The following CACNB1 variants were observed in gnomAD, a reference collection of about 807,000 sequenced individuals.
CACNB1 encodes the protein calcium voltage-gated channel auxiliary subunit beta 1.
Under a neutral mutation model 71.6 loss-of-function variants are expected in CACNB1, and 29 were observed. The observed-to-expected ratio is 0.40, with a 90% CI of 0.30 to 0.55. The LOEUF (loss-of-function observed/expected upper bound fraction) is 0.55, where lower values mean the gene tolerates loss of function less well. Among genes scored for constraint, CACNB1 ranks in the 20% least tolerant of loss-of-function variants. The pLI is 0.38. For missense variants in CACNB1, 623 were observed against 801.8 expected, an observed-to-expected ratio of 0.78 and a Z score of 2.69; for synonymous variants, 300 against 319.6, an observed-to-expected ratio of 0.94 and a Z score of 0.65.
rs2045938268 is a variant in CACNB1 at position 39,186,298 on chromosome 17, A to G, written c.628+198T>C. On this transcript the variant is annotated intron_variant, in intron 6 of 13. Coordinates refer to ENST00000394303, the MANE Select transcript of CACNB1 (RefSeq NM_000723.5). The surrounding 1 kb of genome is among the most constrained non-coding windows in gnomAD (Gnocchi z 4.1). ...AATCAGGCAGAGAGATGGAGCTACC[A>G]AAGAAAAGGGAGAGGAGAGACATGA... 1 of 634,746 alleles carries G rather than the reference A, an allele frequency of 1.6e-6. No individual in the cohort carries two copies. The allele number at this position is 634,746 out of a possible 1,614,324, so 39.3% of individuals were successfully genotyped here.
At chr17:39,177,639 A>G in intron 12 of CACNB1, 104 bp from the exon 13 acceptor site, 1 of 903,650 alleles carries the variant, frequency 1.1e-6, no homozygotes, top group Non-Finnish European at 1.7e-6. Flanking sequence ...GGATTGAAGG[A>G]CAAGGTTAAA....
At chr17:39,191,159 A>C (rs896878058) in intron 3 of CACNB1, among the ~76,000 whole-genome samples, 4 of 152,226 alleles carry the variant, frequency 2.6e-5, no homozygotes, top group African/African-American at 9.6e-5. Context: ...AGCCGAGATC[A>C]TGCCACTGCA....
chr17:39,180,932 G>C (rs542933727), intron 11 of CACNB1, among the ~76,000 whole-genome samples: 1 of 151,912 alleles, frequency 6.6e-6, no homozygotes, highest in Non-Finnish European at 1.5e-5. Context: ...TCAATAAAAT[G>C]TTAAAAAGTT....
intron 1 of CACNB1, 63 bp downstream of exon 1, chr17:39,197,349 G>T: frequency 8.7e-7 from 1 of 1,152,652 alleles, no homozygotes. Flanking sequence ...CGCCTCTCGA[G>T]CCGACCTTAA....
chr17:39,184,972 G>A, intron 7 of CACNB1, 108 bp from the exon 8 acceptor site: 1 of 1,008,142 alleles, frequency 9.9e-7, no homozygotes, highest in Non-Finnish European at 1.6e-6. Context: ...TGGTCCCAGA[G>A]CCCAGATGTA....
In CACNB1 at chr17:39,175,017, A is replaced by C. The variant is rs2045539809; in HGVS notation, c.*176T>G. The C allele has an allele frequency of 1.6e-6, 1 of 616,030 alleles. No individual in the cohort carries two copies. Among genetic ancestry groups the C allele is most frequent in the African/African-American group, 1.8e-5 (1 of 54,078 alleles). 38.2% of individuals were successfully genotyped at this position (616,030 alleles called of 1,614,324 possible). A position where few individuals can be genotyped will look rare whatever the true frequency, so the allele number is the denominator to read the frequency against. On this transcript the variant is annotated 3_prime_UTR_variant, in exon 14 of 14. Transcript: ENST00000394303. This position sits in a 1 kb window ranked among gnomAD's most constrained non-coding sequence, Gnocchi z 4.7. The stretch of plus-strand genomic sequence containing the variant: ...GGTAAAAACCGACAGCTGGGGCTTA[A>C]GGGCCTCCCGGGAGCTGGGATGGTA...
Position 39,197,517 on chromosome 17 carries a change from C to T in CACNB1, c.-22G>A. The stretch of plus-strand genomic sequence containing the variant: ...CCATGGAGAGGAGCCTCCCCTCCCG[C>T]CGCCGGCCCGGCCCAGCCGGGCTCC... On this transcript the variant is annotated 5_prime_UTR_variant, in exon 1 of 14. Coordinates refer to ENST00000394303, the MANE Select transcript of CACNB1 (RefSeq NM_000723.5). 2.0e-6 allele frequency: 3 copies of T among 1,478,720 alleles called. No individual in the cohort carries two copies. The highest frequency in any genetic ancestry group is 2.7e-6 in the Non-Finnish European group (3 of 1,113,592). 91.6% of individuals were successfully genotyped at this position (1,478,720 alleles called of 1,614,324 possible).
rs913403473 is a variant in CACNB1 at position 39,188,294 on chromosome 17, G to A, written c.292-693C>T. On this transcript the variant is annotated intron_variant, in intron 3 of 13. Coordinates refer to ENST00000394303, the MANE Select transcript of CACNB1 (RefSeq NM_000723.5). ...CAAGACTCTGTCTAAAAAAAAAAAA[G>A]TCTGGGCGTGGTGGCTCACGCCTGT... 3.3e-5 allele frequency among the ~76,000 whole-genome samples: 5 copies of A among 151,682 alleles called. No individual in the cohort carries two copies. The South Asian group carries it at 1.0e-3, about 32-fold the overall frequency.
At chr17:39,183,659 A>G (rs752977673) in intron 11 of CACNB1, 54 bp downstream of exon 11, 21 of 1,429,790 alleles carry the variant, frequency 1.5e-5, no homozygotes, top group Non-Finnish European at 1.9e-5. Context: ...ATTTAAACCC[A>G]AGCAGCCCTT....
rs997245062 is a variant in CACNB1, at chr17:39,175,454, G to T, written c.1536C>A (p.Tyr512Ter). The T allele has an allele frequency of 1.2e-6, 2 of 1,614,214 alleles. No homozygotes were observed. The highest frequency in any genetic ancestry group is 1.7e-6 in the Non-Finnish European group (2 of 1,180,046). Reference protein sequence around the residue: ...ADTPGSRNSAYTELGDSCVDM... With the variant: ...ADTPGSRNSA Reference sequence around the variant, plus strand: ...CCACACATGAGTCTCCCAGCTCCGTGTAGGCAGAGTTTCGGCTGCCGGGGG... The same window carrying T: ...CCACACATGAGTCTCCCAGCTCCGTTTAGGCAGAGTTTCGGCTGCCGGGGG... Residue 512 changes from tyrosine to a stop codon, truncating the protein, a stop_gained, in exon 14 of 14, where the codon TAC (tyrosine) becomes TAA (stop). Coordinates refer to ENST00000394303, the MANE Select transcript of CACNB1 (RefSeq NM_000723.5). LOFTEE classifies it high-confidence loss of function. The surrounding 1 kb of genome is among the most constrained non-coding windows in gnomAD (Gnocchi z 4.7).
At chr17:39,182,220 C>T (rs375066793) in intron 11 of CACNB1, among the ~76,000 whole-genome samples, 20 of 150,882 alleles carry the variant, frequency 1.3e-4, no homozygotes, top group African/African-American at 4.4e-4. Flanking sequence ...CCCAGCTACT[C>T]GGGAGACTGA....
At position 39,180,071 on chromosome 17, in the gene CACNB1, C is replaced by G. The variant is rs1363405577; in HGVS notation, c.1051-1992G>C. Among the ~76,000 whole-genome samples, 3 of 151,908 alleles carry G rather than the reference C, an allele frequency of 2.0e-5. No homozygotes were observed. In the East Asian group the frequency reaches 5.9e-4, roughly 30 times the overall value. On this transcript the variant is annotated intron_variant, in intron 11 of 13. Coordinates refer to ENST00000394303, the MANE Select transcript of CACNB1 (RefSeq NM_000723.5). ...CCTGAGGTCAGGAGTTCGAGACCAG[C>G]CAGGCCAACATGGCAAAACCCCGTC...
At position 39,194,205 on chromosome 17, in the gene CACNB1, CA is replaced by C. The variant is rs529516572; in HGVS notation, c.171+678del. On this transcript the variant is annotated intron_variant, in intron 2 of 13. Transcript: ENST00000394303. The surrounding 1 kb of genome is among the most constrained non-coding windows in gnomAD (Gnocchi z 4.6). ...CAACCACATGCCTCTCTCAGTCCCT[CA>C]CCCTGAGCCTAAGATGGCCCAGGGT... is the stretch of plus-strand genomic sequence containing the variant. Among the ~76,000 whole-genome samples, 525 of 152,270 alleles carry C rather than the reference CA, an allele frequency of 3.4e-3. 2 individuals are homozygous for C. The highest frequency in any genetic ancestry group is 0.012 in the African/African-American group (505 of 41,548).
intron 4 of CACNB1, 25 bp downstream of exon 4, chr17:39,187,454 C>T: frequency 6.2e-7 from 1 of 1,613,234 alleles, no homozygotes; most frequent in East Asian, 2.2e-5. Context: ...GCACCCACTT[C>T]CCTGCCCTCC....
chr17:39,183,581 G>T, intron 11 of CACNB1, 132 bp downstream of exon 11: 2 of 755,460 alleles, frequency 2.6e-6, no homozygotes, highest in Non-Finnish European at 2.1e-6. Context: ...ATACGATGGA[G>T]CTTTACAGAG....
In CACNB1 at chr17:39,175,221, C is replaced by G. The variant is rs768078931; in HGVS notation, c.1769G>C (p.Gly590Ala). Reference sequence around the variant, plus strand: ...GCGAATGTAGACGCCTCGTCCCCAGCCCTCCAGCTCATTCTTGTTGCGCCC... The same window carrying G: ...GCGAATGTAGACGCCTCGTCCCCAGGCCTCCAGCTCATTCTTGTTGCGCCC... ...VLGRNKNELEGWGRGVYIR is the reference protein window; with the variant it reads ...VLGRNKNELEAWGRGVYIR The change falls in exon 14 of 14, where the codon GGC becomes GCC. Residue 590 changes from glycine to alanine, a missense_variant. By Grantham distance (60) the Gly-to-Ala change is moderately conservative. Coordinates refer to ENST00000394303, the MANE Select transcript of CACNB1 (RefSeq NM_000723.5). The surrounding 1 kb of genome is among the most constrained non-coding windows in gnomAD (Gnocchi z 4.7). The G allele has an allele frequency of 1.9e-6, 3 of 1,613,228 alleles. No individual in the cohort carries two copies. Among genetic ancestry groups the G allele is most frequent in the Admixed American group, 1.7e-5 (1 of 59,912 alleles).
chr17:39,184,647 C>T lies in CACNB1; in HGVS notation c.729+137G>A. On this transcript the variant is annotated intron_variant, in intron 8 of 13. Transcript: ENST00000394303. Reference sequence around the variant, plus strand: ...GAGTGGGTCTTTCTGTGGATTGGGCCCCCTGGGGGTTGTCTCTGAAAGTCT... The same window carrying T: ...GAGTGGGTCTTTCTGTGGATTGGGCTCCCTGGGGGTTGTCTCTGAAAGTCT... 2.0e-5 allele frequency: 14 copies of T among 683,064 alleles called. No individual in the cohort carries two copies. In the South Asian group the frequency reaches 2.3e-4, roughly 11 times the overall value. 42.3% of individuals were successfully genotyped at this position (683,064 alleles called of 1,614,324 possible).
chr17:39,184,166 C>CAGG, intron 9 of CACNB1, 26 bp from the exon 10 acceptor site: 1 of 1,479,404 alleles, frequency 6.8e-7, no homozygotes, highest in South Asian at 1.1e-5. Flanking sequence ...AGAGGGGAGT[C>CAGG]AGGGGTCAGG....
At chr17:39,179,934 T>G (rs527987884) in intron 11 of CACNB1, among the ~76,000 whole-genome samples, 3 of 150,276 alleles carry the variant, frequency 2.0e-5, no homozygotes, top group African/African-American at 4.9e-5. Flanking sequence ...CAAGTGATCC[T>G]GGGTTGGTTC....
Sources: allele counts gnomAD v4.1 joint callset (sites outside exome capture counted in the v4.1 genomes callset), GRCh38; gene constraint gnomAD v4.1.1; non-coding constraint Gnocchi (gnomAD v3.1); transcripts MANE v1.5; gene names NCBI Gene and HGNC (gene_info 2026-07-23, HGNC 2026-07-21).